The following AGR3 variants were observed in gnomAD, a reference collection of about 807,000 sequenced individuals.
AGR3 encodes the protein anterior gradient 3, protein disulphide isomerase family member.
Under a neutral mutation model 24.5 loss-of-function variants are expected in AGR3, and 37 were observed. The ratio of observed to expected loss-of-function variants is 1.51; its 90% CI spans 1.16 to 1.99. The LOEUF (loss-of-function observed/expected upper bound fraction) is 1.99, where lower values mean the gene tolerates loss of function less well. AGR3 is among the 30% of genes most tolerant of loss of function. The pLI, the probability that AGR3 is intolerant of heterozygous loss-of-function variation, is 0.00. For synonymous variants in AGR3, 75 were observed against 61.6 expected (o/e 1.22, Z -1.02); for missense variants, 228 against 191.1 (o/e 1.19, Z -1.14).
At chr7:16,866,059 AG>A in intron 3 of AGR3, 1 of 622,182 alleles carries the variant, frequency 1.6e-6, no homozygotes, top group South Asian at 1.5e-5. Flanking sequence ...TCAGACAGAT[AG>A]TCTTTTGAAT....
intron 2 of AGR3, among the ~76,000 whole-genome samples, chr7:16,876,573 A>T (rs75703090): frequency 0.019 from 2,932 of 151,800 alleles, 91 homozygotes; most frequent in African/African-American, 0.067. Flanking sequence ...GACTTCTCCC[A>T]CTCACCCCTA....
At chr7:16,862,275 C>T (rs1040433740) in intron 4 of AGR3, among the ~76,000 whole-genome samples, 1 of 152,142 alleles carries the variant, frequency 6.6e-6, no homozygotes, top group Non-Finnish European at 1.5e-5. Flanking sequence ...ACAGTGAAGA[C>T]ACTAGTTTTT....
intron 1 of AGR3, among the ~76,000 whole-genome samples, chr7:16,881,004 C>G (rs1002970659): frequency 6.6e-6 from 1 of 152,072 alleles, no homozygotes; most frequent in African/African-American, 2.4e-5. Flanking sequence ...GTTCCTTTTC[C>G]GTGGGAATAG....
chr7:16,866,741 C>A (rs1443925097), intron 3 of AGR3, among the ~76,000 whole-genome samples: 2 of 152,026 alleles, frequency 1.3e-5, no homozygotes, highest in African/African-American at 2.4e-5. Context: ...GTTCTGTGAA[C>A]TTCCATATTC....
At chr7:16,872,692 C>T (rs1236493829) in intron 3 of AGR3, among the ~76,000 whole-genome samples, 1 of 152,058 alleles carries the variant, frequency 6.6e-6, no homozygotes, top group African/African-American at 2.4e-5. Flanking sequence ...AAATTATTTG[C>T]AAACTATTCA....
At position 16,878,533 on chromosome 7, in the gene AGR3, C is replaced by G; in HGVS notation, c.86G>C (p.Arg29Thr). 1 of 1,614,006 alleles carries G rather than the reference C, an allele frequency of 6.2e-7. No homozygotes were observed. The highest frequency in any genetic ancestry group is 8.5e-7 in the Non-Finnish European group (1 of 1,179,942). ...NLAIAIKKEK[R>T]PPQTLSRGWG... ...ACCTCTTGAGAGTGTCTGAGGAGGC[C>G]TCTTTTCCTTTTTTATTGCAATGGC... The change falls in exon 2 of 8, where the codon AGG becomes ACG. Residue 29 changes from arginine (R) to threonine (T), a missense_variant. Arg to Thr is a moderately conservative substitution (Grantham distance 71, BLOSUM62 -1). Coordinates refer to ENST00000310398, the MANE Select transcript of AGR3 (RefSeq NM_176813.5).
intron 3 of AGR3, among the ~76,000 whole-genome samples, chr7:16,866,796 A>G (rs1402317210): frequency 6.6e-5 from 10 of 151,890 alleles, no homozygotes; most frequent in Non-Finnish European, 1.3e-4. Flanking sequence ...TTTCTTGTTA[A>G]TATATAGGAG....
chr7:16,857,104 C>T (rs1016775839), downstream of AGR3, among the ~76,000 whole-genome samples: 2 of 151,930 alleles, frequency 1.3e-5, no homozygotes, highest in Non-Finnish European at 2.9e-5. Flanking sequence ...ATCCTCCTGC[C>T]TCAGCTTCCC....
chr7:16,858,898 A>G (rs929464593), downstream of AGR3, among the ~76,000 whole-genome samples: 1 of 152,170 alleles, frequency 6.6e-6, no homozygotes, highest in Non-Finnish European at 1.5e-5. Flanking sequence ...AAATAAATGT[A>G]GTTGAATTTT....
At chr7:16,872,576 G>T (rs1421414269) in intron 3 of AGR3, among the ~76,000 whole-genome samples, 1 of 152,096 alleles carries the variant, frequency 6.6e-6, no homozygotes, top group Non-Finnish European at 1.5e-5. Flanking sequence ...GATTTCAAAA[G>T]CACAGGCAAC....
chr7:16,877,732 G>A (rs536116280), intron 2 of AGR3, among the ~76,000 whole-genome samples: 63 of 151,946 alleles, frequency 4.1e-4, no homozygotes, highest in African/African-American at 1.4e-3. Flanking sequence ...GCATGGTGGC[G>A]GGCGCCTGTA....
At chr7:16,881,299 G>T (rs2115321901) in intron 1 of AGR3, among the ~76,000 whole-genome samples, 1 of 152,224 alleles carries the variant, frequency 6.6e-6, no homozygotes, top group African/African-American at 2.4e-5. Flanking sequence ...TTGGTTTTCT[G>T]GTTTTACATT....
At chr7:16,861,729 T>C (rs10228593) in intron 5 of AGR3, among the ~76,000 whole-genome samples, 35,851 of 151,446 alleles carry the variant, frequency 0.24, 4,600 homozygotes, top group Non-Finnish European at 0.28. Flanking sequence ...GGTGAAACCC[T>C]GTCTCTACTA....
intron 3 of AGR3, chr7:16,864,851 G>A (rs1395903732): frequency 1.6e-5 from 14 of 860,846 alleles, no homozygotes; most frequent in Middle Eastern, 5.4e-4. Flanking sequence ...AGTAAAGAGC[G>A]TGTATTCCAG....
At chr7:16,881,838 T>C (rs1364427446) in intron 1 of AGR3, 106 bp downstream of exon 1, 3 of 449,272 alleles carry the variant, frequency 6.7e-6, no homozygotes, top group South Asian at 3.3e-5. Flanking sequence ...CATTTCACTT[T>C]CCTACCCTTT....
At chr7:16,862,752 A>G in intron 3 of AGR3, 90 bp from the exon 4 acceptor site, 1 of 845,424 alleles carries the variant, frequency 1.2e-6, no homozygotes, top group Middle Eastern at 3.5e-4. Flanking sequence ...ATTAGCTTCA[A>G]TAAGGCTTAC....
Position 16,878,593 on chromosome 7 carries a change from A to G in AGR3, c.26T>C (p.Leu9Pro). Residue 9 changes from leucine to proline, a missense_variant, in exon 2 of 8, where the codon CTC becomes CCC. Transcript: ENST00000310398. The part of the protein sequence containing the change: MMLHSALG[L>P]CLLLVTVSSN... ...AGAAACTGTGACGAGTAAGAGGCAG[A>G]GACCCAAAGCTGAGTGTAGCATCAT... 1 of 1,614,168 alleles carries G rather than the reference A, an allele frequency of 6.2e-7. No homozygotes were observed. The highest frequency in any genetic ancestry group is 2.2e-5 in the East Asian group (1 of 44,874).
chr7:16,861,562 A>G (rs1781644437), intron 5 of AGR3, 115 bp from the exon 6 acceptor site: 1 of 799,880 alleles, frequency 1.3e-6, no homozygotes, highest in African/African-American at 1.7e-5. Flanking sequence ...AATTCCATAC[A>G]ACTTTCTGTA....
intron 3 of AGR3, 47 bp from the exon 4 acceptor site, chr7:16,862,709 C>A: frequency 7.7e-7 from 1 of 1,305,072 alleles, no homozygotes; most frequent in South Asian, 1.4e-5. Context: ...AACTTTGGGT[C>A]AAAATATACA....
Sources: allele counts gnomAD v4.1 joint callset (sites outside exome capture counted in the v4.1 genomes callset), GRCh38; gene constraint gnomAD v4.1.1; transcripts MANE v1.5; gene names NCBI Gene and HGNC (gene_info 2026-07-23, HGNC 2026-07-21).